Variants in ARL15 observed in about 807,000 individuals in gnomAD.
ARL15 encodes ARF like GTPase 15, also known as ADP-ribosylation factor-like protein 15.
In ARL15, 19 loss-of-function variants were observed where a neutral mutation model predicts 25.2. The ratio of observed to expected loss-of-function variants is 0.75; its 90% CI spans 0.53 to 1.10. The LOEUF is 1.10. Ranked by LOEUF, ARL15 falls within the 50% of genes least tolerant of loss-of-function variation. The pLI, the probability that ARL15 is intolerant of heterozygous loss-of-function variation, is 0.00. For synonymous variants in ARL15, 94 were observed against 86.8 expected, an observed-to-expected ratio of 1.08 and a Z score of -0.46; for missense variants, 220 against 246.0, an observed-to-expected ratio of 0.89 and a Z score of 0.71.
intron 1 of ARL15, among the ~76,000 whole-genome samples, chr5:54,182,218 T>C (rs1755078327): frequency 1.2e-5 from 1 of 80,428 alleles, no homozygotes; most frequent in African/African-American, 5.3e-5. Flanking sequence ...CATGAAGTCC[T>C]TGCCCACGCC....
intron 1 of ARL15, among the ~76,000 whole-genome samples, chr5:54,228,574 T>C (rs186248819): frequency 8.7e-5 from 13 of 148,604 alleles, no homozygotes; most frequent in Middle Eastern, 6.9e-3. Flanking sequence ...CCCATTACTG[T>C]TTCTTGGAGT....
At chr5:54,239,745 C>G (rs1052575406) in intron 1 of ARL15, among the ~76,000 whole-genome samples, 1 of 152,104 alleles carries the variant, frequency 6.6e-6, no homozygotes, top group African/African-American at 2.4e-5. Flanking sequence ...GCTCAAATAA[C>G]CATTTTGGAC....
chr5:54,221,653 T>C (rs575826987), intron 1 of ARL15, among the ~76,000 whole-genome samples: 2 of 151,960 alleles, frequency 1.3e-5, no homozygotes, highest in East Asian at 1.9e-4. Context: ...TCTGAGATAA[T>C]ATATCCAAAA....
rs184344716 is a variant in ARL15, at chr5:54,045,457, A to C, written c.462+67745T>G. On this transcript the variant is annotated intron_variant, in intron 4 of 4. Coordinates refer to ENST00000504924, the MANE Select transcript of ARL15 (RefSeq NM_019087.3). ...CTCCTATTCATTTATTGTAGATGTT[A>C]AAGTGTGACTAGATGCACGTCATAT... 2.0e-5 allele frequency among the ~76,000 whole-genome samples: 3 copies of C among 152,318 alleles called. No homozygotes were observed. In the East Asian group the frequency reaches 5.8e-4, roughly 29 times the overall value.
intron 4 of ARL15, among the ~76,000 whole-genome samples, chr5:53,972,689 T>C (rs1162501673): frequency 6.6e-6 from 1 of 152,206 alleles, no homozygotes; most frequent in Non-Finnish European, 1.5e-5. Context: ...GTCTTATTAT[T>C]ATACAGGTTT....
At chr5:54,288,761 T>G (rs994225750) in intron 1 of ARL15, among the ~76,000 whole-genome samples, 1 of 152,150 alleles carries the variant, frequency 6.6e-6, no homozygotes, top group African/African-American at 2.4e-5. Context: ...CAAATAACAC[T>G]TTGGACAAGC....
intron 4 of ARL15, among the ~76,000 whole-genome samples, chr5:53,898,385 G>T (rs1308638619): frequency 3.3e-5 from 5 of 152,126 alleles, no homozygotes; most frequent in African/African-American, 1.2e-4. Context: ...TTGAGAATTG[G>T]TGTAAATTCT....
intron 4 of ARL15, among the ~76,000 whole-genome samples, chr5:53,929,038 A>G (rs1011549664): frequency 1.1e-4 from 16 of 152,210 alleles, no homozygotes; most frequent in Non-Finnish European, 1.8e-4. Context: ...TCTAAAACAG[A>G]AATACAGAGA....
At chr5:54,000,847 T>A (rs1054049420) in intron 4 of ARL15, among the ~76,000 whole-genome samples, 3 of 152,272 alleles carry the variant, frequency 2.0e-5, no homozygotes, top group African/African-American at 7.2e-5. Context: ...ATATTAGATT[T>A]CACAGGAATC....
At chr5:54,039,266 C>T (rs1209403141) in intron 4 of ARL15, among the ~76,000 whole-genome samples, 2 of 151,164 alleles carry the variant, frequency 1.3e-5, no homozygotes, top group African/African-American at 2.4e-5. Context: ...GGGAAAAGGA[C>T]CTGAAAAATT....
chr5:54,075,530 G>C (rs1751570462), intron 4 of ARL15: 1 of 153,022 alleles, frequency 6.5e-6, no homozygotes, highest in African/African-American at 2.4e-5. Context: ...CCAGGCTGGA[G>C]TCAGTGCCAC....
At chr5:53,900,683 C>T (rs1745038794) in intron 4 of ARL15, among the ~76,000 whole-genome samples, 3 of 151,910 alleles carry the variant, frequency 2.0e-5, no homozygotes, top group African/African-American at 7.3e-5. Context: ...TATTTCATTC[C>T]ATGTTAAAAT....
chr5:54,307,431 C>T (rs1314803448), intron 1 of ARL15, among the ~76,000 whole-genome samples: 5 of 152,272 alleles, frequency 3.3e-5, no homozygotes, highest in Admixed American at 2.0e-4. Context: ...AAGTCAGGCA[C>T]CGCACCAGGT....
intron 4 of ARL15, among the ~76,000 whole-genome samples, chr5:54,001,678 G>C (rs1230129291): frequency 6.6e-6 from 1 of 152,138 alleles, no homozygotes; most frequent in African/African-American, 2.4e-5. Context: ...CAGCATCTTA[G>C]ATCCCTAAAG....
chr5:54,134,568 CTTTTTTTTT>C (rs5867914), intron 3 of ARL15, among the ~76,000 whole-genome samples: 1 of 51,770 alleles, frequency 1.9e-5, no homozygotes, highest in Non-Finnish European at 3.4e-5. Context: ...GAATGATTAG[CTTTTTTTTT>C]TTTTTTTTTT....
chr5:53,899,347 C>CAAAAAAAA lies in ARL15; in HGVS notation c.463-12642_463-12635dup, dbSNP rs59145507. 4.9e-4 allele frequency among the ~76,000 whole-genome samples: 44 copies of CAAAAAAAA among 89,376 alleles called. 2 individuals are homozygous for CAAAAAAAA. The highest frequency in any genetic ancestry group is 1.3e-3 in the African/African-American group (24 of 18,364). The allele number at this position is 89,376 out of a possible 152,430, so 58.6% of individuals were successfully genotyped here. A position where few individuals can be genotyped will look rare whatever the true frequency, so the allele number is the denominator to read the frequency against. ...TGGGTAACAGAGTGAGACTCTATCC[C>CAAAAAAAA]AAAAAAAAAAAAAAAAAAAAAAAAA... On this transcript the variant is annotated intron_variant, in intron 4 of 4. Coordinates refer to ENST00000504924, the MANE Select transcript of ARL15 (RefSeq NM_019087.3).
At position 54,250,483 on chromosome 5, in the gene ARL15, T is replaced by C. The variant is rs142261899; in HGVS notation, c.48+59949A>G. Among the ~76,000 whole-genome samples the C allele has an allele frequency of 3.7e-3, 557 of 152,234 alleles. 3 individuals carry two copies. The highest frequency in any genetic ancestry group is 0.013 in the African/African-American group (540 of 41,538). On this transcript the variant is annotated intron_variant, in intron 1 of 4. Transcript: ENST00000504924. ...TCAGCATGATGATGAGAAGCAAGTT[T>C]AGTTAAAGTTGGAGAAGAAAATACC...
intron 4 of ARL15, among the ~76,000 whole-genome samples, chr5:54,076,519 AT>A (rs1000522009): frequency 6.6e-6 from 1 of 152,216 alleles, no homozygotes; most frequent in African/African-American, 2.4e-5. Flanking sequence ...ATACGTCAAT[AT>A]TAAATCCTTT....
intron 4 of ARL15, among the ~76,000 whole-genome samples, chr5:53,961,281 C>T (rs71592635): frequency 1.6e-4 from 24 of 151,776 alleles, no homozygotes; most frequent in African/African-American, 5.1e-4. Flanking sequence ...GTGGATCACC[C>T]GAGGTCAGGA....
Sources: gnomAD v4.1 joint callset for allele counts (sites outside exome capture counted in the v4.1 genomes callset) on GRCh38, gnomAD v4.1.1 for gene constraint, MANE v1.5 for transcripts, NCBI Gene and HGNC (gene_info 2026-07-23, HGNC 2026-07-21) for gene names.